The following COL5A1 variants were observed in gnomAD, a reference collection of about 807,000 sequenced individuals.
COL5A1 encodes collagen type V alpha 1 chain, also known as collagen alpha-1(V) chain.
Under a neutral mutation model 263.7 loss-of-function variants are expected in COL5A1, and 16 were observed. That is an observed-to-expected ratio of 0.06 (90% CI 0.04 to 0.09). COL5A1 has a LOEUF of 0.09. Ranked by LOEUF, COL5A1 falls within the 10% of genes least tolerant of loss-of-function variation. The pLI is 1.00. For synonymous variants in COL5A1, 1,012 were observed against 1,004.5 expected (o/e 1.01, Z -0.14); for missense variants, 2,036 against 2,540.5 (o/e 0.80, Z 4.27).
intron 37 of COL5A1, among the ~76,000 whole-genome samples, chr9:134,800,054 C>T (rs950529841): frequency 6.6e-6 from 1 of 152,204 alleles, no homozygotes; most frequent in Non-Finnish European, 1.5e-5. Context: ...CCAGACAAGC[C>T]TTCCAGAAAG....
At position 134,843,017 on chromosome 9, in the gene COL5A1, T is replaced by A. The variant is rs1830148528; in HGVS notation, c.*714T>A. On this transcript the variant is annotated 3_prime_UTR_variant, in exon 66 of 66. Transcript: ENST00000371817. ...GTTGCAGTACCGTTCTGATTAGAAATAGGAAGTCTCCCCACCCCCGCCCTG... is the reference window on the plus strand; with the variant it reads ...GTTGCAGTACCGTTCTGATTAGAAAAAGGAAGTCTCCCCACCCCCGCCCTG... 1 of 152,342 alleles carries A rather than the reference T, an allele frequency of 6.6e-6. No individual in the cohort carries two copies. Among genetic ancestry groups the A allele is most frequent in the Admixed American group, 6.6e-5 (1 of 15,256 alleles). The allele number at this position is 152,342 out of a possible 1,614,324, so 9.4% of individuals were successfully genotyped here.
chr9:134,664,088 T>C (rs1469766065), intron 1 of COL5A1, among the ~76,000 whole-genome samples: 2 of 152,182 alleles, frequency 1.3e-5, no homozygotes, highest in Non-Finnish European at 2.9e-5. Context: ...AATGTAGGGT[T>C]TGGTAAAGAC....
At chr9:134,792,417 C>T (rs1262780185) in intron 32 of COL5A1, among the ~76,000 whole-genome samples, 1 of 151,998 alleles carries the variant, frequency 6.6e-6, no homozygotes, top group African/African-American at 2.4e-5. Context: ...GCTCTGTCAC[C>T]CAGGCTGGAA....
At chr9:134,730,103 TG>T in intron 6 of COL5A1, 132 bp from the exon 7 acceptor site, 1 of 1,350,080 alleles carries the variant, frequency 7.4e-7, no homozygotes, top group Non-Finnish European at 1.0e-6. Flanking sequence ...AAGAGGTCTC[TG>T]GGCCTCTTGA....
At chr9:134,643,857 C>G (rs1307948208) in intron 1 of COL5A1, among the ~76,000 whole-genome samples, 1 of 152,248 alleles carries the variant, frequency 6.6e-6, no homozygotes, top group East Asian at 1.9e-4. Flanking sequence ...CCCTAGACAG[C>G]TGGGGCAGGG....
intron 16 of COL5A1, among the ~76,000 whole-genome samples, 187 bp from the exon 17 acceptor site, chr9:134,756,578 C>G (rs907098687): frequency 1.3e-5 from 2 of 152,240 alleles, no homozygotes; most frequent in African/African-American, 4.8e-5. Context: ...TGGTGTGAGG[C>G]ACAGAACAGC....
Position 134,750,605 on chromosome 9 carries a change from C to G in COL5A1, c.1558C>G (p.Leu520Val). 6.2e-7 allele frequency: 1 copy of G among 1,613,362 alleles called. No individual in the cohort carries two copies. Among genetic ancestry groups the G allele is most frequent in the East Asian group, 2.2e-5 (1 of 44,880 alleles). ...CCTGCCCGGTCCTCCAGGAACCATG[C>G]TCATGCTGCCCGTGAGTACCCTTAT... ...DGLPGPPGTM[L>V]MLPFRFGGGG... Residue 520 changes from leucine (L) to valine (V), a missense_variant, in exon 12 of 66, where the codon CTC (leucine) becomes GTC (valine). Physicochemically the swap from Leu to Val is conservative, Grantham distance 32. This residue lies in a region of COL5A1 where 1,078 missense variants were observed against 1,521.4 expected (regional missense o/e 0.71). Transcript: ENST00000371817.
At position 134,700,700 on chromosome 9, in the gene COL5A1, C is replaced by T. The variant is rs1833640276; in HGVS notation, c.492-471C>T. On this transcript the variant is annotated intron_variant, in intron 3 of 65. Transcript: ENST00000371817. The surrounding 1 kb of genome is among the most constrained non-coding windows in gnomAD (Gnocchi z 4.0). ...CACTCCTTCCACCATTTCCCGTCCACACCCGGTCTTCTCTGGCTGCCTGCA... is the reference window on the plus strand; with the variant it reads ...CACTCCTTCCACCATTTCCCGTCCATACCCGGTCTTCTCTGGCTGCCTGCA... 6.6e-6 allele frequency among the ~76,000 whole-genome samples: 1 copy of T among 152,250 alleles called. No individual in the cohort carries two copies. The highest frequency in any genetic ancestry group is 1.5e-5 in the Non-Finnish European group (1 of 68,050).
rs10858284 is a variant in COL5A1 at position 134,821,803 on chromosome 9, G to C, written c.4555-294G>C. 6.6e-6 allele frequency among the ~76,000 whole-genome samples: 1 copy of C among 152,186 alleles called. No individual in the cohort carries two copies. Among genetic ancestry groups the C allele is most frequent in the Non-Finnish European group, 1.5e-5 (1 of 68,026 alleles). ...GTATTTCCAAATGAACGTGAAAAGA[G>C]GTGCTCAGCCTGAAGTCCTCGGTGG... is the stretch of plus-strand genomic sequence containing the variant. On this transcript the variant is annotated intron_variant, in intron 58 of 65. Coordinates refer to ENST00000371817, the MANE Select transcript of COL5A1 (RefSeq NM_000093.5). This position sits in a 1 kb window ranked among gnomAD's most constrained non-coding sequence, Gnocchi z 4.2.
Position 134,823,423 on chromosome 9 carries a change from C to T in COL5A1, c.4652C>T (p.Thr1551Ile), listed in dbSNP as rs863223460. 41 of 1,614,136 alleles carry T rather than the reference C, an allele frequency of 2.5e-5. No individual in the cohort carries two copies. Among genetic ancestry groups the T allele is most frequent in the Non-Finnish European group, 3.5e-5 (41 of 1,180,044 alleles). ...TCTTTTCTTTCTCCCCAGGGTCCAA[C>T]TGGCCCGAAGGGTGAGGCAGGCCAC... Reference protein sequence around the residue: ...PKGAKGSSGPTGPKGEAGHPG... With the variant: ...PKGAKGSSGPIGPKGEAGHPG... Residue 1551 changes from threonine (T) to isoleucine (I), a missense_variant, in exon 61 of 66, where the codon ACT (threonine) becomes ATT (isoleucine). Coordinates refer to ENST00000371817, the MANE Select transcript of COL5A1 (RefSeq NM_000093.5).
At chr9:134,774,500 C>T (rs1836980395) in intron 26 of COL5A1, among the ~76,000 whole-genome samples, 1 of 152,212 alleles carries the variant, frequency 6.6e-6, no homozygotes, top group South Asian at 2.1e-4. Context: ...ATTCCAAGGA[C>T]CTTAGGCTGG....
intron 64 of COL5A1, chr9:134,830,390 A>T: frequency 1.6e-6 from 1 of 610,742 alleles, no homozygotes; most frequent in Non-Finnish European, 2.9e-6. Flanking sequence ...GAGTAGGCAG[A>T]TGGTTTTCCG....
At chr9:134,756,648 TG>T in intron 16 of COL5A1, 116 bp from the exon 17 acceptor site, 2 of 1,123,472 alleles carry the variant, frequency 1.8e-6, no homozygotes, top group Non-Finnish European at 1.4e-6. Flanking sequence ...GCTGTGACCT[TG>T]GGGGTGGGCG....
chr9:134,685,137 TCATCCTC>T (rs1588435240), intron 1 of COL5A1, among the ~76,000 whole-genome samples: 9 of 99,012 alleles, frequency 9.1e-5, no homozygotes, highest in Admixed American at 2.3e-4. Flanking sequence ...CATCCATCCA[TCATCCTC>T]CCATTCATCC....
chr9:134,732,706 A>G (rs921968253), intron 9 of COL5A1: 1 of 181,248 alleles, frequency 5.5e-6, no homozygotes, highest in Non-Finnish European at 1.2e-5. Flanking sequence ...TTAGGTAATG[A>G]GATCACGGGT....
At chr9:134,766,414 G>C (rs201080771) in intron 21 of COL5A1, 40 bp from the exon 22 acceptor site, 4 of 1,605,938 alleles carry the variant, frequency 2.5e-6, no homozygotes, top group Non-Finnish European at 3.4e-6. Context: ...GAGTTCTTTC[G>C]CATTCAGTTA....
At chr9:134,670,627 T>C (rs1832511814) in intron 1 of COL5A1, among the ~76,000 whole-genome samples, 1 of 152,214 alleles carries the variant, frequency 6.6e-6, no homozygotes, top group African/African-American at 2.4e-5. Flanking sequence ...GAGCAGCACT[T>C]CCTGCTCCAC....
intron 4 of COL5A1, 81 bp downstream of exon 4, chr9:134,701,414 C>T: frequency 1.4e-6 from 2 of 1,440,004 alleles, no homozygotes; most frequent in Non-Finnish European, 1.9e-6. Context: ...TTGGAGGAGG[C>T]TCCTCGGGCC....
chr9:134,665,034 G>A lies in COL5A1; in HGVS notation c.109+22738G>A, dbSNP rs573104059. Reference sequence around the variant, plus strand: ...GCCAACATGGTGGAACCCTGTCTCTGCTGAAAATACAAAAATTAGCCAGGT... The same window carrying A: ...GCCAACATGGTGGAACCCTGTCTCTACTGAAAATACAAAAATTAGCCAGGT... On this transcript the variant is annotated intron_variant, in intron 1 of 65. Transcript: ENST00000371817. Among the ~76,000 whole-genome samples the A allele has an allele frequency of 5.3e-5, 8 of 152,218 alleles. No homozygotes were observed. The East Asian group carries it at 1.5e-3, about 29-fold the overall frequency.
Sources: allele counts gnomAD v4.1 joint callset (sites outside exome capture counted in the v4.1 genomes callset), GRCh38; gene constraint gnomAD v4.1.1; regional missense constraint gnomAD v4.1.1; non-coding constraint Gnocchi (gnomAD v3.1); transcripts MANE v1.5; gene names NCBI Gene and HGNC (gene_info 2026-07-23, HGNC 2026-07-21).